MTCL2: variants seen among roughly 807,000 people sequenced by gnomAD.
MTCL2 encodes microtubule cross-linking factor 2.
the MTCL2 span, among the ~76,000 whole-genome samples, chr20:36,848,657 AG>A: frequency 6.6e-6 from 1 of 152,212 alleles, no homozygotes; most frequent in Non-Finnish European, 1.5e-5. Flanking sequence ...GCAAACAGGC[AG>A]GGGGAGGGGG....
At chr20:36,781,758 AAGAT>A in the MTCL2 span, 8 of 152,082 alleles carry the variant, frequency 5.3e-5, no homozygotes, top group African/African-American at 1.2e-4. Context: ...TAAAAAAAGA[AAGAT>A]AGCCTAATAA....
chr20:36,826,252 G>T, the MTCL2 span, among the ~76,000 whole-genome samples: 1 of 146,876 alleles, frequency 6.8e-6, no homozygotes, highest in East Asian at 2.1e-4. Context: ...CTCATGATCC[G>T]CCTGCCTTGG....
the MTCL2 span, among the ~76,000 whole-genome samples, chr20:36,809,483 C>A: frequency 7.9e-5 from 12 of 152,128 alleles, no homozygotes; most frequent in Non-Finnish European, 1.8e-4. Context: ...CCAATGACAG[C>A]CCTGTTACAC....
At chr20:36,817,282 A>T in the MTCL2 span, 1 of 884,066 alleles carries the variant, frequency 1.1e-6, no homozygotes, top group Non-Finnish European at 1.7e-6. Flanking sequence ...AAAAAAAAAA[A>T]AAGAAAAGAA....
chr20:36,797,622 C>G, the MTCL2 span: 39 of 1,516,210 alleles, frequency 2.6e-5, no homozygotes, highest in African/African-American at 4.8e-4. Context: ...AGCTGGTATG[C>G]AGGACCCTGC....
chr20:36,861,394 A>G, the MTCL2 span, among the ~76,000 whole-genome samples: 1 of 152,180 alleles, frequency 6.6e-6, no homozygotes, highest in African/African-American at 2.4e-5. Context: ...CTCTTGATTC[A>G]GACAGACCTT....
chr20:36,844,938 G>A, the MTCL2 span, among the ~76,000 whole-genome samples: 1 of 148,684 alleles, frequency 6.7e-6, no homozygotes, highest in Non-Finnish European at 1.5e-5. Context: ...TTGAACCCAG[G>A]AGATGGACAT....
the MTCL2 span, chr20:36,859,662 C>A: frequency 8.1e-7 from 1 of 1,231,808 alleles, no homozygotes. Context: ...GCAGACCATA[C>A]CAGACTGGAG....
the MTCL2 span, among the ~76,000 whole-genome samples, chr20:36,790,738 CTTTT>C: frequency 7.4e-6 from 1 of 135,902 alleles, no homozygotes. Flanking sequence ...TGCCTGGCCT[CTTTT>C]TTTTTTTTTT....
chr20:36,834,171 A>G, the MTCL2 span, among the ~76,000 whole-genome samples: 1 of 151,830 alleles, frequency 6.6e-6, no homozygotes, highest in Admixed American at 6.6e-5. Flanking sequence ...TCAAAAAAAA[A>G]AAAAAAAAGA....
At chr20:36,795,209 G>A in the MTCL2 span, among the ~76,000 whole-genome samples, 1 of 152,046 alleles carries the variant, frequency 6.6e-6, no homozygotes, top group Non-Finnish European at 1.5e-5. Context: ...AAAGTGCTGG[G>A]ATTACAGATG....
the MTCL2 span, among the ~76,000 whole-genome samples, chr20:36,812,036 A>G: frequency 9.9e-3 from 1,514 of 152,266 alleles, 28 homozygotes; most frequent in African/African-American, 0.034. Flanking sequence ...AATAACTACC[A>G]TTCACTCTAA....
the MTCL2 span, among the ~76,000 whole-genome samples, chr20:36,816,462 A>G: frequency 6.6e-6 from 1 of 151,972 alleles, no homozygotes; most frequent in Non-Finnish European, 1.5e-5. Flanking sequence ...GGAGACGCAG[A>G]GGGGTAGATG....
At chr20:36,784,727 A>T in the MTCL2 span, 3 of 985,346 alleles carry the variant, frequency 3.0e-6, no homozygotes, top group African/African-American at 5.2e-5. Flanking sequence ...CTCACAGGGG[A>T]CGTGAGGAAG....
the MTCL2 span, among the ~76,000 whole-genome samples, chr20:36,831,944 A>T: frequency 2.0e-5 from 3 of 151,878 alleles, no homozygotes; most frequent in African/African-American, 7.3e-5. Flanking sequence ...TCACTCACTA[A>T]CTCACTCACT....
the MTCL2 span, chr20:36,785,478 G>A: frequency 1.0e-6 from 1 of 985,222 alleles, no homozygotes; most frequent in East Asian, 1.1e-4. Flanking sequence ...CTGTGTCCTG[G>A]GCTCTGGCCT....
chr20:36,810,400 A>C, the MTCL2 span, among the ~76,000 whole-genome samples: 1 of 152,206 alleles, frequency 6.6e-6, no homozygotes, highest in Non-Finnish European at 1.5e-5. Context: ...AAAGATGTTC[A>C]TTGTTTCATT....
the MTCL2 span, among the ~76,000 whole-genome samples, chr20:36,844,963 A>T: frequency 4.0e-5 from 6 of 150,216 alleles, no homozygotes; most frequent in African/African-American, 1.2e-4. Flanking sequence ...GTGAGCTGAG[A>T]TCACACCACT....
the MTCL2 span, chr20:36,863,068 TGCGGACCCCGGC>T: frequency 1.4e-6 from 2 of 1,404,122 alleles, no homozygotes; most frequent in African/African-American, 3.0e-5. The surrounding 1 kb of genome is among the most constrained non-coding windows in gnomAD (Gnocchi z 6.2). Flanking sequence ...CGGACCCCGG[TGCGGACCCCGGC>T]CACCCGCACA....
Sources: allele counts gnomAD v4.1 joint callset (sites outside exome capture counted in the v4.1 genomes callset), GRCh38; gene constraint gnomAD v4.1.1; non-coding constraint Gnocchi (gnomAD v3.1); transcripts MANE v1.5; gene names NCBI Gene and HGNC (gene_info 2026-07-23, HGNC 2026-07-21).